Variants in CHUK observed in about 807,000 individuals in gnomAD.
The protein encoded by CHUK is component of inhibitor of nuclear factor kappa B kinase complex, also known as inhibitor of nuclear factor kappa-B kinase subunit alpha.
A neutral mutation model predicts 104.8 loss-of-function variants in CHUK; 35 were observed. The ratio of observed to expected loss-of-function variants is 0.33; its 90% CI spans 0.26 to 0.44. The LOEUF (loss-of-function observed/expected upper bound fraction) is 0.44, where lower values mean the gene tolerates loss of function less well. Ranked by LOEUF, CHUK falls within the 20% of genes least tolerant of loss-of-function variation. CHUK has a pLI of 1.00. For missense variants in CHUK, 663 were observed against 902.7 expected, an observed-to-expected ratio of 0.73 and a Z score of 3.40; for synonymous variants, 276 against 291.9, an observed-to-expected ratio of 0.95 and a Z score of 0.56.
intron 14 of CHUK, among the ~76,000 whole-genome samples, chr10:100,201,414 G>A (rs17885986): frequency 0.059 from 8,951 of 152,234 alleles, 433 homozygotes; most frequent in South Asian, 0.24. Flanking sequence ...ATTATGGCAA[G>A]ACATTAAGTA....
At chr10:100,200,947 A>T (rs1845447377) in intron 14 of CHUK, among the ~76,000 whole-genome samples, 167 bp from the exon 15 acceptor site, 1 of 152,204 alleles carries the variant, frequency 6.6e-6, no homozygotes, top group Non-Finnish European at 1.5e-5. Flanking sequence ...TCAGATTCTG[A>T]CACTTAATCT....
chr10:100,227,506 G>GGTAA (rs1412574814), intron 1 of CHUK, among the ~76,000 whole-genome samples: 1 of 150,456 alleles, frequency 6.6e-6, no homozygotes, highest in Non-Finnish European at 1.5e-5. Context: ...GGCAGGCTTA[G>GGTAA]GTAACACAGG....
At chr10:100,203,264 A>T (rs1330642598) in intron 13 of CHUK, among the ~76,000 whole-genome samples, 1 of 152,112 alleles carries the variant, frequency 6.6e-6, no homozygotes, top group Non-Finnish European at 1.5e-5. Context: ...AAAACTGTCA[A>T]CTAAAGACTT....
rs1195536402 is a variant in CHUK at position 100,194,530 on chromosome 10, G to T, written c.1730-9C>A. ...GTCACTGTAGGAGTGATCTATAAAA[G>T]ACATCAGTCAGTGGATATAACCTTT... is the stretch of plus-strand genomic sequence containing the variant. On this transcript the variant is annotated splice_polypyrimidine_tract_variant and intron_variant, in intron 16 of 20. Coordinates refer to ENST00000370397, the MANE Select transcript of CHUK (RefSeq NM_001278.5). 1 of 1,580,708 alleles carries T rather than the reference G, an allele frequency of 6.3e-7. No homozygotes were observed. The highest frequency in any genetic ancestry group is 2.2e-5 in the East Asian group (1 of 44,716).
intron 13 of CHUK, 109 bp downstream of exon 13, chr10:100,204,397 T>A: frequency 1.2e-6 from 1 of 857,316 alleles, no homozygotes; most frequent in Admixed American, 1.7e-5. Flanking sequence ...TCCTGTCTCT[T>A]GTTCTAATGT....
At chr10:100,205,789 G>A (rs1279715445) in intron 11 of CHUK, among the ~76,000 whole-genome samples, 7 of 152,124 alleles carry the variant, frequency 4.6e-5, no homozygotes, top group Non-Finnish European at 8.8e-5. Context: ...TTAGCTGGGC[G>A]TGGTGGTGTG....
intron 2 of CHUK, 51 bp from the exon 3 acceptor site, chr10:100,223,031 G>A: frequency 1.1e-6 from 1 of 929,448 alleles, no homozygotes. Context: ...CCAATAAAAA[G>A]GGACTGGATT....
At chr10:100,197,642 C>T (rs1193421832) in intron 16 of CHUK, among the ~76,000 whole-genome samples, 7 of 152,138 alleles carry the variant, frequency 4.6e-5, no homozygotes, top group Non-Finnish European at 1.0e-4. Flanking sequence ...TTTAGGTTTT[C>T]TCTCTCCTGA....
chr10:100,203,896 G>C (rs1845527585), intron 13 of CHUK, among the ~76,000 whole-genome samples: 1 of 152,164 alleles, frequency 6.6e-6, no homozygotes, highest in Non-Finnish European at 1.5e-5. Flanking sequence ...CATAGACTAA[G>C]TGCCATAAAA....
intron 9 of CHUK, among the ~76,000 whole-genome samples, chr10:100,217,312 T>A (rs954255686): frequency 6.6e-6 from 1 of 151,770 alleles, no homozygotes; most frequent in Non-Finnish European, 1.5e-5. Flanking sequence ...AAAAGCATTT[T>A]CAGAAGATGA....
rs1472593874 is a variant in CHUK at position 100,188,923 on chromosome 10, C to T, written c.*675G>A. On this transcript the variant is annotated 3_prime_UTR_variant, in exon 21 of 21. Coordinates refer to ENST00000370397, the MANE Select transcript of CHUK (RefSeq NM_001278.5). ...CTCTTTGATATTATTAAATGTACAT[C>T]TTAAATACATATACACACAACAACA... 1 of 152,044 alleles carries T rather than the reference C, an allele frequency of 6.6e-6. No individual in the cohort carries two copies. The highest frequency in any genetic ancestry group is 1.5e-5 in the Non-Finnish European group (1 of 67,978). 9.4% of individuals were successfully genotyped at this position (152,044 alleles called of 1,614,324 possible).
At position 100,229,507 on chromosome 10, in the gene CHUK, G is replaced by C. The variant is rs753960148; in HGVS notation, c.26C>G (p.Pro9Arg). ...CATCTCCCAGGGCCCGCCCGCGCCC[G>C]GCCGCAGCCCCGGGGGCCGCTCCAT... MERPPGLR[P>R]GAGGPWEMRE... is the part of the protein sequence containing the mutation. The change falls in exon 1 of 21, where the codon CCG (proline) becomes CGG (arginine). Residue 9 changes from proline to arginine, a missense_variant. Physicochemically the swap from Pro to Arg is moderately radical, Grantham distance 103. Coordinates refer to ENST00000370397, the MANE Select transcript of CHUK (RefSeq NM_001278.5). The C allele has an allele frequency of 8.9e-6, 14 of 1,566,348 alleles. No homozygotes were observed. Among genetic ancestry groups the C allele is most frequent in the South Asian group, 4.6e-5 (4 of 86,976 alleles).
chr10:100,215,028 G>A (rs1458508035), intron 9 of CHUK, among the ~76,000 whole-genome samples: 1 of 151,804 alleles, frequency 6.6e-6, no homozygotes, highest in African/African-American at 2.4e-5. Flanking sequence ...TGAGGTCAGG[G>A]TGTCAAGACC....
rs752332329 is a variant in CHUK at position 100,209,605 on chromosome 10, A to G, written c.1118T>C (p.Leu373Pro). ...DPRKPASQCV[L>P]DGVRGCDSYM... ...AATTAATTTTCTTACAACTCCATCT[A>G]GAACACATTGAGAGGCTGGTTTCCG... Residue 373 changes from leucine (L) to proline (P), a missense_variant, in exon 10 of 21, where the codon CTA becomes CCA. Around this residue, in one of 5 missense-constraint regions of CHUK, gnomAD observed 93 missense variants for 95.9 expected, o/e 0.97. Transcript: ENST00000370397. The G allele has an allele frequency of 2.5e-6, 4 of 1,596,112 alleles. No individual in the cohort carries two copies. Among genetic ancestry groups the G allele is most frequent in the Non-Finnish European group, 8.6e-7 (1 of 1,163,568 alleles).
At chr10:100,190,542 C>A in intron 20 of CHUK, 1 of 352,880 alleles carries the variant, frequency 2.8e-6, no homozygotes, top group Non-Finnish European at 5.4e-6. Context: ...GTACAAGTCC[C>A]ATCTTAATGG....
intron 2 of CHUK, among the ~76,000 whole-genome samples, chr10:100,224,036 C>CAAGT (rs1404331636): frequency 6.6e-6 from 1 of 152,058 alleles, no homozygotes; most frequent in Non-Finnish European, 1.5e-5. Flanking sequence ...GTCTCACTTC[C>CAAGT]AAGTAAAGAT....
At chr10:100,203,989 T>C (rs1194877331) in intron 13 of CHUK, among the ~76,000 whole-genome samples, 2 of 152,204 alleles carry the variant, frequency 1.3e-5, no homozygotes, top group East Asian at 3.8e-4. Flanking sequence ...TTCTGGTTCC[T>C]AGATGACCAT....
Position 100,217,992 on chromosome 10 carries a change from AAC to A in CHUK, c.933+1_933+2del. The A allele has an allele frequency of 6.2e-7, 1 of 1,613,914 alleles. No individual in the cohort carries two copies. Among genetic ancestry groups the A allele is most frequent in the Non-Finnish European group, 8.5e-7 (1 of 1,179,800 alleles). On this transcript the variant is annotated splice_donor_variant, in intron 9 of 20. Transcript: ENST00000370397. LOFTEE classifies it high-confidence loss of function. ...CTTATGCAGTAGACCCATTAAGACT[AAC>A]CTTCAAATTCAAAATGTGATCCATT... is the stretch of plus-strand genomic sequence containing the variant.
chr10:100,201,249 G>A (rs770411535), intron 14 of CHUK, among the ~76,000 whole-genome samples: 22 of 152,110 alleles, frequency 1.4e-4, no homozygotes, highest in Non-Finnish European at 2.8e-4. Flanking sequence ...GGTAAGTACT[G>A]ACATTAAGGA....
Sources: allele counts gnomAD v4.1 joint callset (sites outside exome capture counted in the v4.1 genomes callset), GRCh38; gene constraint gnomAD v4.1.1; regional missense constraint gnomAD v4.1.1; transcripts MANE v1.5; gene names NCBI Gene and HGNC (gene_info 2026-07-23, HGNC 2026-07-21).